The following BEND5 variants were observed in gnomAD, a reference collection of about 807,000 sequenced individuals.
BEND5 encodes the protein BEN domain containing 5, also known as BEN domain-containing protein 5.
BEND5 carries 22 observed loss-of-function variants against 43.9 expected under a neutral mutation model. The observed-to-expected ratio is 0.50, with a 90% CI of 0.36 to 0.72. The LOEUF (loss-of-function observed/expected upper bound fraction) is 0.72. Ranked by LOEUF, BEND5 falls within the 30% of genes least tolerant of loss-of-function variation. The pLI is 0.00. For missense variants in BEND5, 428 were observed against 550.6 expected (o/e 0.78, Z 2.23); for synonymous variants, 228 against 225.9 (o/e 1.01, Z -0.08).
Position 48,776,614 on chromosome 1 carries a change from G to A in BEND5, c.218C>T (p.Ala73Val), listed in dbSNP as rs1278855559. 1.4e-6 allele frequency: 2 copies of A among 1,430,558 alleles called. No individual in the cohort carries two copies. The highest frequency in any genetic ancestry group is 1.8e-6 in the Non-Finnish European group (2 of 1,095,806). 88.6% of individuals were successfully genotyped at this position (1,430,558 alleles called of 1,614,324 possible). ...ALLLHKAQIL[A>V]LAEDKSDLEN... ...CCCGCCCGCTTGCTCACCTGCCAGC[G>A]CCAGGATCTGGGCCTTGTGGAGCAA... Residue 73 changes from alanine to valine, a missense_variant, in exon 1 of 6, where the codon GCG (alanine) becomes GTG (valine). Physicochemically the swap from Ala to Val is moderately conservative, Grantham distance 64. Around this residue, in one of 4 missense-constraint regions of BEND5, gnomAD observed 3 missense variants for 16.9 expected, o/e 0.18. Coordinates refer to ENST00000371833, the MANE Select transcript of BEND5 (RefSeq NM_024603.4).
chr1:48,737,229 A>C (rs185953486), intron 4 of BEND5, among the ~76,000 whole-genome samples: 48 of 152,324 alleles, frequency 3.2e-4, no homozygotes, highest in Admixed American at 2.7e-3. Flanking sequence ...GGTTGCAGTG[A>C]GCCGAGATCG....
intron 1 of BEND5, among the ~76,000 whole-genome samples, chr1:48,768,624 A>G (rs1315809472): frequency 6.6e-6 from 1 of 152,182 alleles, no homozygotes; most frequent in African/African-American, 2.4e-5. Flanking sequence ...TTAAAATGGG[A>G]GAAATTTTGT....
At chr1:48,756,260 A>C (rs1330042573) in intron 3 of BEND5, among the ~76,000 whole-genome samples, 2 of 152,226 alleles carry the variant, frequency 1.3e-5, no homozygotes, top group Non-Finnish European at 2.9e-5. Context: ...CTTCAGCCTA[A>C]AAGTTGTTTC....
intron 3 of BEND5, among the ~76,000 whole-genome samples, chr1:48,750,077 A>G (rs546095535): frequency 5.3e-5 from 8 of 152,220 alleles, no homozygotes; most frequent in Admixed American, 3.9e-4. Flanking sequence ...TCAATCCATG[A>G]CCCTGACCTC....
chr1:48,735,682 C>T (rs1648929725), intron 5 of BEND5, among the ~76,000 whole-genome samples: 1 of 152,068 alleles, frequency 6.6e-6, no homozygotes, highest in Non-Finnish European at 1.5e-5. Context: ...AGAAAGGAAG[C>T]TGAATCTAGT....
At position 48,736,246 on chromosome 1, in the gene BEND5, G is replaced by A. The variant is rs888132926; in HGVS notation, c.1101C>T (p.Ile367=). The A allele has an allele frequency of 4.3e-6, 7 of 1,613,864 alleles. No individual in the cohort carries two copies. In the Admixed American group the frequency reaches 6.7e-5, roughly 15 times the overall value. ...KPPLSPHKLS[I]VRECLYDRIA... is the part of the protein sequence containing the mutation. ...TTCCACTCAGTGACCTACCTCTGAC[G>A]ATGCTTAGTTTGTGAGGCGAGAGGG... Residue 367 remains isoleucine (I), a synonymous_variant, in exon 5 of 6, where the codon ATC becomes ATT. Transcript: ENST00000371833. The surrounding 1 kb of genome is among the most constrained non-coding windows in gnomAD (Gnocchi z 4.0).
chr1:48,748,014 T>C (rs1338101668), intron 3 of BEND5, among the ~76,000 whole-genome samples: 1 of 152,202 alleles, frequency 6.6e-6, no homozygotes, highest in African/African-American at 2.4e-5. Flanking sequence ...TCCTATTTTC[T>C]TCATAAATGC....
intron 1 of BEND5, among the ~76,000 whole-genome samples, chr1:48,763,677 T>C (rs1161745542): frequency 6.6e-6 from 1 of 152,218 alleles, no homozygotes; most frequent in Non-Finnish European, 1.5e-5. Context: ...GCTGAAACTC[T>C]GTAGCTCAGG....
intron 1 of BEND5, among the ~76,000 whole-genome samples, chr1:48,763,568 C>A (rs1192461453): frequency 6.6e-6 from 1 of 151,894 alleles, no homozygotes; most frequent in Non-Finnish European, 1.5e-5. Flanking sequence ...TGTGTTGGGG[C>A]AAAGCTCCTG....
chr1:48,749,918 C>T (rs1349819326), intron 3 of BEND5, among the ~76,000 whole-genome samples: 1 of 152,170 alleles, frequency 6.6e-6, no homozygotes, highest in Non-Finnish European at 1.5e-5. Flanking sequence ...GGTTGGGGGG[C>T]TAAGGAGTTG....
chr1:48,757,894 A>G (rs1644027329), intron 3 of BEND5, among the ~76,000 whole-genome samples: 1 of 152,198 alleles, frequency 6.6e-6, no homozygotes, highest in South Asian at 2.1e-4. Context: ...TTCAGGGGCT[A>G]TGGAGGCAAA....
In BEND5 at chr1:48,764,329, C is replaced by T. The variant is rs527440296; in HGVS notation, c.227-2859G>A. Among the ~76,000 whole-genome samples the T allele has an allele frequency of 7.9e-5, 12 of 152,282 alleles. No homozygotes were observed. In the South Asian group the frequency reaches 2.3e-3, roughly 29 times the overall value. On this transcript the variant is annotated intron_variant, in intron 1 of 5. Coordinates refer to ENST00000371833, the MANE Select transcript of BEND5 (RefSeq NM_024603.4). Reference sequence around the variant, plus strand: ...AATTGAAGTGAATAATTCCTACTCACGTTGCAGAACTGTGAAGATTACCAA... The same window carrying T: ...AATTGAAGTGAATAATTCCTACTCATGTTGCAGAACTGTGAAGATTACCAA...
At chr1:48,772,549 G>A (rs1386348007) in intron 1 of BEND5, among the ~76,000 whole-genome samples, 1 of 152,174 alleles carries the variant, frequency 6.6e-6, no homozygotes, top group Admixed American at 6.5e-5. Flanking sequence ...AGAGAGTGAG[G>A]CTGGAGAAGT....
chr1:48,730,662 C>T (rs10888618), intron 5 of BEND5, among the ~76,000 whole-genome samples: 42,364 of 151,920 alleles, frequency 0.28, 6,555 homozygotes, highest in East Asian at 0.63. Context: ...CAGCACTGAA[C>T]GAAAAGCTTC....
At chr1:48,773,878 TATA>T (rs1644953090) in intron 1 of BEND5, among the ~76,000 whole-genome samples, 1 of 152,234 alleles carries the variant, frequency 6.6e-6, no homozygotes, top group African/African-American at 2.4e-5. Context: ...TGTGTAGGCA[TATA>T]GCAAGACTAT....
At chr1:48,766,080 T>C (rs1198046696) in intron 1 of BEND5, among the ~76,000 whole-genome samples, 1 of 152,312 alleles carries the variant, frequency 6.6e-6, no homozygotes, top group Middle Eastern at 3.4e-3. Context: ...AAAATTCACA[T>C]TGAATGAAAT....
chr1:48,760,096 A>G (rs1372287898), intron 2 of BEND5, among the ~76,000 whole-genome samples: 1 of 152,150 alleles, frequency 6.6e-6, no homozygotes, highest in Non-Finnish European at 1.5e-5. Flanking sequence ...TCTAACTTCC[A>G]GTACAAGGCT....
chr1:48,771,962 C>T (rs1381050430), intron 1 of BEND5, among the ~76,000 whole-genome samples: 6 of 152,190 alleles, frequency 3.9e-5, no homozygotes, highest in East Asian at 3.8e-4. Flanking sequence ...TAAAATCCTA[C>T]GGCAGGTTTC....
At position 48,736,300 on chromosome 1, in the gene BEND5, T is replaced by C; in HGVS notation, c.1047A>G (p.Lys349=). 3 of 1,614,204 alleles carry C rather than the reference T, an allele frequency of 1.9e-6. No individual in the cohort carries two copies. Among genetic ancestry groups the C allele is most frequent in the Non-Finnish European group, 2.5e-6 (3 of 1,180,028 alleles). ...KNRSVTGVAT[K]KKKDAVPKPP... ...GTTTAGGGACTGCATCTTTCTTTTT[T>C]TTTGTGGCGACGCCTGTGACGCTTC... The change falls in exon 5 of 6, where the codon AAA becomes AAG. Residue 349 remains lysine, a synonymous_variant. Transcript: ENST00000371833. The surrounding 1 kb of genome is among the most constrained non-coding windows in gnomAD (Gnocchi z 4.0).
Sources: allele counts gnomAD v4.1 joint callset (sites outside exome capture counted in the v4.1 genomes callset), GRCh38; gene constraint gnomAD v4.1.1; regional missense constraint gnomAD v4.1.1; non-coding constraint Gnocchi (gnomAD v3.1); transcripts MANE v1.5; gene names NCBI Gene and HGNC (gene_info 2026-07-23, HGNC 2026-07-21).